Variants in SCLT1 observed in about 807,000 individuals in gnomAD.
SCLT1 encodes sodium channel-associated protein 1.
A neutral mutation model predicts 112.8 loss-of-function variants in SCLT1; 78 were observed. That is an observed-to-expected ratio of 0.69 (90% CI 0.58 to 0.83). The LOEUF (loss-of-function observed/expected upper bound fraction) is 0.83, where lower values mean the gene tolerates loss of function less well. Among genes scored for constraint, SCLT1 ranks in the 40% least tolerant of loss-of-function variants. SCLT1 has a pLI of 0.00. For missense variants in SCLT1, 747 were observed against 770.4 expected (o/e 0.97, Z 0.36); for synonymous variants, 257 against 254.7 (o/e 1.01, Z -0.09).
chr4:129,083,186 GA>G (rs10651058), intron 1 of SCLT1, among the ~76,000 whole-genome samples: 69 of 84,532 alleles, frequency 8.2e-4, no homozygotes, highest in African/African-American at 3.2e-3. Flanking sequence ...GTGAGACTCT[GA>G]AAAAAAAAAA....
chr4:129,079,481 G>A (rs1019069132), intron 2 of SCLT1, among the ~76,000 whole-genome samples: 4 of 152,174 alleles, frequency 2.6e-5, no homozygotes, highest in African/African-American at 9.7e-5. Context: ...AAACCTTAGG[G>A]GCCCAAAATA....
At chr4:129,024,882 T>C (rs935318674) in intron 5 of SCLT1, among the ~76,000 whole-genome samples, 1 of 151,814 alleles carries the variant, frequency 6.6e-6, no homozygotes, top group African/African-American at 2.4e-5. Flanking sequence ...AAACCAAGGC[T>C]CGAGAACTAC....
intron 5 of SCLT1, among the ~76,000 whole-genome samples, chr4:129,010,207 C>T (rs779568605): frequency 1.4e-4 from 21 of 152,188 alleles, no homozygotes; most frequent in East Asian, 3.9e-4. Context: ...TTAGGTTTGT[C>T]GAGAATCAGA....
intron 20 of SCLT1, among the ~76,000 whole-genome samples, chr4:128,885,104 T>G (rs1192403468): frequency 2.0e-5 from 3 of 152,194 alleles, no homozygotes; most frequent in African/African-American, 7.2e-5. Context: ...TACATAAAAG[T>G]TAATCAGGAA....
At position 128,948,545 on chromosome 4, in the gene SCLT1, A is replaced by G. The variant is rs1738407938; in HGVS notation, c.1244T>C (p.Ile415Thr). The G allele has an allele frequency of 1.2e-6, 2 of 1,608,076 alleles. No individual in the cohort carries two copies. Among genetic ancestry groups the G allele is most frequent in the South Asian group, 1.1e-5 (1 of 90,884 alleles). Residue 415 changes from isoleucine (I) to threonine (T), a missense_variant, in exon 15 of 21, where the codon ATT becomes ACT. Transcript: ENST00000281142. ...TTTTTTTTCCTTAATGACTCGTTCA[A>G]TTTGGCCTTGTTTTTCAGCACACTC... ...QMECAEKQGQ[I>T]ERVIKEKKAV...
chr4:128,879,759 T>G (rs1282598909), downstream of SCLT1, among the ~76,000 whole-genome samples: 1 of 152,234 alleles, frequency 6.6e-6, no homozygotes, highest in African/African-American at 2.4e-5. Flanking sequence ...TTTAGTTATT[T>G]GAAGAAATAT....
downstream of SCLT1, among the ~76,000 whole-genome samples, chr4:128,879,421 C>T (rs1732592806): frequency 6.6e-6 from 1 of 152,124 alleles, no homozygotes; most frequent in Non-Finnish European, 1.5e-5. Context: ...GAATCACTGT[C>T]AGCAAATGGG....
chr4:129,047,017 C>T (rs1011829594), intron 2 of SCLT1, among the ~76,000 whole-genome samples: 1 of 152,052 alleles, frequency 6.6e-6, no homozygotes, highest in East Asian at 1.9e-4. Context: ...TGAAGACATT[C>T]TTCATATATT....
intron 5 of SCLT1, among the ~76,000 whole-genome samples, chr4:129,032,409 C>T (rs1241128019): frequency 6.6e-6 from 1 of 152,048 alleles, no homozygotes; most frequent in African/African-American, 2.4e-5. Flanking sequence ...CAGGCAATAC[C>T]ATTCAGGACA....
intron 18 of SCLT1, among the ~76,000 whole-genome samples, chr4:128,920,609 A>T (rs1187219238): frequency 6.6e-6 from 1 of 152,222 alleles, no homozygotes; most frequent in Admixed American, 6.5e-5. Flanking sequence ...ATAAAATTCA[A>T]TATCCCCTCA....
intron 2 of SCLT1, among the ~76,000 whole-genome samples, chr4:129,068,214 ATG>A (rs758980316): frequency 1.3e-5 from 2 of 151,328 alleles, no homozygotes; most frequent in East Asian, 1.9e-4. Context: ...ATATATATGT[ATG>A]TGTGTGTGTG....
rs149697832 is a variant in SCLT1, at chr4:128,984,566, T to C, written c.686+7601A>G. On this transcript the variant is annotated intron_variant, in intron 9 of 20. Coordinates refer to ENST00000281142, the MANE Select transcript of SCLT1 (RefSeq NM_144643.4). ...TACGAAGTTCTGCCCATTTTTCCTA[T>C]ATAGATTTTTTTATATGCATTTTTA... Among the ~76,000 whole-genome samples the C allele has an allele frequency of 3.7e-4, 56 of 152,310 alleles. 1 individual carries two copies. The East Asian group carries it at 9.6e-3, about 26-fold the overall frequency.
intron 10 of SCLT1, among the ~76,000 whole-genome samples, chr4:128,967,859 C>T (rs1420728375): frequency 6.6e-6 from 1 of 152,060 alleles, no homozygotes; most frequent in Non-Finnish European, 1.5e-5. Context: ...TTAATTAGGT[C>T]CCACTTGTCA....
chr4:128,915,127 C>T (rs984113431), intron 18 of SCLT1, among the ~76,000 whole-genome samples: 1 of 152,192 alleles, frequency 6.6e-6, no homozygotes, highest in Non-Finnish European at 1.5e-5. Flanking sequence ...AAGTGCCCAA[C>T]ACTATACTAT....
intron 18 of SCLT1, among the ~76,000 whole-genome samples, 185 bp from the exon 19 acceptor site, chr4:128,891,322 T>C (rs1329604962): frequency 1.3e-5 from 2 of 152,142 alleles, no homozygotes; most frequent in Admixed American, 6.5e-5. Context: ...ACACATATAC[T>C]CTAGAGATTA....
chr4:128,956,196 T>G (rs146831548), intron 13 of SCLT1, among the ~76,000 whole-genome samples: 102 of 152,310 alleles, frequency 6.7e-4, no homozygotes, highest in African/African-American at 2.3e-3. Flanking sequence ...ATGACCTTCA[T>G]CAACCTCAAA....
chr4:128,883,261 G>A (rs888105834), downstream of SCLT1, among the ~76,000 whole-genome samples: 2 of 151,028 alleles, frequency 1.3e-5, no homozygotes, highest in African/African-American at 4.9e-5. Context: ...CAGAGCATAA[G>A]AAATGGAGGG....
intron 9 of SCLT1, among the ~76,000 whole-genome samples, chr4:128,985,451 T>C (rs1742008777): frequency 6.6e-6 from 1 of 152,202 alleles, no homozygotes; most frequent in Non-Finnish European, 1.5e-5. Context: ...AGTATCATGT[T>C]TTTACTTGCA....
At chr4:128,906,122 T>G (rs1734672437) in intron 18 of SCLT1, among the ~76,000 whole-genome samples, 1 of 152,232 alleles carries the variant, frequency 6.6e-6, no homozygotes, top group Non-Finnish European at 1.5e-5. Context: ...ACATTTCTAA[T>G]ATCTTACATC....
Sources: gnomAD v4.1 joint callset for allele counts (sites outside exome capture counted in the v4.1 genomes callset) on GRCh38, gnomAD v4.1.1 for gene constraint, MANE v1.5 for transcripts, NCBI Gene and HGNC (gene_info 2026-07-23, HGNC 2026-07-21) for gene names.